Variants in ZNF483 observed in about 807,000 individuals in gnomAD.
ZNF483 encodes the protein zinc finger protein 483, also known as zinc finger protein HIT-10.
In ZNF483, 9 loss-of-function variants were observed where a neutral mutation model predicts 28.6. The ratio of observed to expected loss-of-function variants is 0.32; its 90% CI spans 0.19 to 0.55. ZNF483 has a LOEUF of 0.55. Among genes scored for constraint, ZNF483 ranks in the 20% least tolerant of loss-of-function variants. The pLI, the probability that ZNF483 is intolerant of heterozygous loss-of-function variation, is 0.93. For missense variants in ZNF483, 675 were observed against 871.7 expected, an observed-to-expected ratio of 0.77 and a Z score of 2.84; for synonymous variants, 322 against 306.2, an observed-to-expected ratio of 1.05 and a Z score of -0.54.
rs1457793321 is a variant in ZNF483, at chr9:111,552,646, A to G, written c.*9476A>G. Among the ~76,000 whole-genome samples, 1 of 152,214 alleles carries G rather than the reference A, an allele frequency of 6.6e-6. No homozygotes were observed. The highest frequency in any genetic ancestry group is 2.4e-5 in the African/African-American group (1 of 41,470). Reference sequence around the variant, plus strand: ...TGAATTCACATTTCATTGCCTTTACATGAATCGACATTGTAAATTTGGAGG... The same window carrying G: ...TGAATTCACATTTCATTGCCTTTACGTGAATCGACATTGTAAATTTGGAGG... On this transcript the variant is annotated 3_prime_UTR_variant, in exon 6 of 6. Transcript: ENST00000309235.
Position 111,544,386 on chromosome 9 carries a change from C to G in ZNF483, c.*1216C>G. 2 of 978,640 alleles carry G rather than the reference C, an allele frequency of 2.0e-6. No individual in the cohort carries two copies. Among genetic ancestry groups the G allele is most frequent in the Non-Finnish European group, 2.4e-6 (2 of 825,326 alleles). The allele number at this position is 978,640 out of a possible 1,614,324, so 60.6% of individuals were successfully genotyped here. On this transcript the variant is annotated 3_prime_UTR_variant, in exon 6 of 6. Transcript: ENST00000309235. ...TGTGTGTGTGTGTATACATTGTTGC[C>G]ACTATCTAAAATTAGGGCATTTCAT...
intron 5 of ZNF483, among the ~76,000 whole-genome samples, chr9:111,538,791 CAG>C (rs893842981): frequency 6.6e-6 from 1 of 151,932 alleles, no homozygotes; most frequent in African/African-American, 2.4e-5. Flanking sequence ...ACAGATACAG[CAG>C]AGTCAATGGC....
At chr9:111,541,563 C>T in intron 5 of ZNF483, 94 bp from the exon 6 acceptor site, 1 of 987,174 alleles carries the variant, frequency 1.0e-6, no homozygotes, top group South Asian at 1.8e-5. Flanking sequence ...AAACTATATT[C>T]CTTATAGTTA....
Position 111,527,464 on chromosome 9 carries a change from T to G in ZNF483, c.69T>G (p.Thr23=). 2 of 1,614,182 alleles carry G rather than the reference T, an allele frequency of 1.2e-6. No homozygotes were observed. The highest frequency in any genetic ancestry group is 1.1e-5 in the South Asian group (1 of 91,080). Residue 23 remains threonine, a synonymous_variant, in exon 2 of 6, where the codon ACT becomes ACG. Coordinates refer to ENST00000309235, the MANE Select transcript of ZNF483 (RefSeq NM_133464.5). ...ISPEPQTLAS[T]EQNEVPRVVT... ...CAGAACCTCAAACTCTGGCCTCGAC[T>G]GAACAAAATGAGGTCCCAAGAGTGG...
At chr9:111,535,945 G>T (rs1160088438) in intron 5 of ZNF483, among the ~76,000 whole-genome samples, 1 of 146,028 alleles carries the variant, frequency 6.8e-6, no homozygotes, top group Non-Finnish European at 1.5e-5. Flanking sequence ...GGAGTGCAGT[G>T]CCGTGATCTT....
chr9:111,542,948 C>T lies in ZNF483; in HGVS notation c.2013C>T (p.Ser671=). ...KPYKCKECGK[S]FSQSSSLNEH... is the part of the protein sequence containing the mutation. ...ATAAATGTAAAGAATGTGGGAAGTCCTTCAGTCAGAGTTCATCTCTTAATG... is the reference window on the plus strand; with the variant it reads ...ATAAATGTAAAGAATGTGGGAAGTCTTTCAGTCAGAGTTCATCTCTTAATG... The change falls in exon 6 of 6, where the codon TCC becomes TCT. Residue 671 remains serine (S), a synonymous_variant. Coordinates refer to ENST00000309235, the MANE Select transcript of ZNF483 (RefSeq NM_133464.5). This position sits in a 1 kb window ranked among gnomAD's most constrained non-coding sequence, Gnocchi z 6.2. 1.2e-6 allele frequency: 2 copies of T among 1,614,028 alleles called. No individual in the cohort carries two copies. The highest frequency in any genetic ancestry group is 1.7e-6 in the Non-Finnish European group (2 of 1,179,970).
chr9:111,568,656 T>C (rs1366181297), intron 5 of ZNF483, among the ~76,000 whole-genome samples: 3 of 152,368 alleles, frequency 2.0e-5, no homozygotes, highest in African/African-American at 7.2e-5. Context: ...AAAAACTTGC[T>C]GGTTTTGTGG....
chr9:111,576,618 C>T, exon 6 of ZNF483: 3 of 547,752 alleles, frequency 5.5e-6, no homozygotes, highest in Non-Finnish European at 9.5e-6. Context: ...AAAATAAAAG[C>T]TACTAGGATG....
chr9:111,557,565 C>T (rs1828162556), downstream of ZNF483, among the ~76,000 whole-genome samples: 2 of 151,828 alleles, frequency 1.3e-5, no homozygotes, highest in Non-Finnish European at 2.9e-5. Context: ...CATGCCTCAG[C>T]CTCCCGAGTG....
At chr9:111,529,380 G>A (rs1428878413) in intron 2 of ZNF483, among the ~76,000 whole-genome samples, 1 of 152,192 alleles carries the variant, frequency 6.6e-6, no homozygotes. Flanking sequence ...ACTGCTCCTT[G>A]TGGAGCAGGG....
At chr9:111,557,402 C>G (rs1295924569), downstream of ZNF483, among the ~76,000 whole-genome samples, 3 of 151,508 alleles carry the variant, frequency 2.0e-5, no homozygotes, top group African/African-American at 7.3e-5. Context: ...GACTTGAACA[C>G]ATGGAAAGGT....
rs1026481600 is a variant in ZNF483, at chr9:111,553,010, A to G, written c.*9840A>G. ...GTAAGAAGCTATTTTATAGCTTGCCAGGTTTACAAACTCAGACCCTTTTAA... is the reference window on the plus strand; with the variant it reads ...GTAAGAAGCTATTTTATAGCTTGCCGGGTTTACAAACTCAGACCCTTTTAA... On this transcript the variant is annotated 3_prime_UTR_variant, in exon 6 of 6. Coordinates refer to ENST00000309235, the MANE Select transcript of ZNF483 (RefSeq NM_133464.5). 4.6e-5 allele frequency among the ~76,000 whole-genome samples: 7 copies of G among 152,168 alleles called. No homozygotes were observed. The highest frequency in any genetic ancestry group is 1.0e-4 in the Non-Finnish European group (7 of 68,028).
At chr9:111,539,737 G>A (rs1448564241) in intron 5 of ZNF483, 1 of 171,290 alleles carries the variant, frequency 5.8e-6, no homozygotes, top group Non-Finnish European at 1.2e-5. Context: ...ATCCAGCCTG[G>A]GCAACAAGAG....
Position 111,551,371 on chromosome 9 carries a change from C to A in ZNF483, c.*8201C>A, listed in dbSNP as rs548339398. The stretch of plus-strand genomic sequence containing the variant: ...TGTTGTTCTAAATATACTTAATTTT[C>A]CAATAACTGAATCAAGTATCCAGTT... On this transcript the variant is annotated 3_prime_UTR_variant, in exon 6 of 6. Coordinates refer to ENST00000309235, the MANE Select transcript of ZNF483 (RefSeq NM_133464.5). Among the ~76,000 whole-genome samples, 1 of 146,768 alleles carries A rather than the reference C, an allele frequency of 6.8e-6. No homozygotes were observed. The highest frequency in any genetic ancestry group is 1.5e-5 in the Non-Finnish European group (1 of 67,082).
chr9:111,576,032 T>C (rs924294541), intron 5 of ZNF483, among the ~76,000 whole-genome samples: 4 of 151,904 alleles, frequency 2.6e-5, no homozygotes, highest in African/African-American at 7.3e-5. Context: ...TGATGGTGCA[T>C]GTCTGTGGTC....
chr9:111,525,916 C>T (rs1331073605), intron 1 of ZNF483, among the ~76,000 whole-genome samples: 6 of 152,128 alleles, frequency 3.9e-5, no homozygotes, highest in Admixed American at 3.9e-4. Context: ...GCTGTCACAT[C>T]CTTCACTTGT....
chr9:111,556,261 T>G (rs1238271911), downstream of ZNF483, among the ~76,000 whole-genome samples: 1 of 152,266 alleles, frequency 6.6e-6, no homozygotes, highest in African/African-American at 2.4e-5. Context: ...CTTGGGCACC[T>G]CTGCCCCTGT....
At chr9:111,555,476 A>G (rs1219230892), downstream of ZNF483, among the ~76,000 whole-genome samples, 2 of 152,154 alleles carry the variant, frequency 1.3e-5, no homozygotes, top group South Asian at 4.1e-4. Flanking sequence ...CCTCTAAACA[A>G]TATGTGTATT....
intron 5 of ZNF483, chr9:111,563,843 T>C: frequency 6.6e-6 from 1 of 152,342 alleles, no homozygotes; most frequent in East Asian, 1.9e-4. Flanking sequence ...ATAGTAAAGT[T>C]TAATAACACA....
Sources: gnomAD v4.1 joint callset for allele counts (sites outside exome capture counted in the v4.1 genomes callset) on GRCh38, gnomAD v4.1.1 for gene constraint, Gnocchi (gnomAD v3.1) non-coding constraint, MANE v1.5 for transcripts, NCBI Gene and HGNC (gene_info 2026-07-23, HGNC 2026-07-21) for gene names.